Variants in PSD3 observed in about 807,000 individuals in gnomAD.
PSD3 encodes the protein PH and SEC7 domain-containing protein 3.
PSD3 carries 49 observed loss-of-function variants against 105.5 expected under a neutral mutation model. The observed-to-expected ratio is 0.46, with a 90% CI of 0.37 to 0.59. PSD3 has a LOEUF of 0.59. Ranked by LOEUF, PSD3 falls within the 20% of genes least tolerant of loss-of-function variation. The pLI, the probability that PSD3 is intolerant of heterozygous loss-of-function variation, is 0.00. For missense variants in PSD3, 1,561 were observed against 1,263.8 expected, an observed-to-expected ratio of 1.24 and a Z score of -3.57; for synonymous variants, 557 against 457.8, an observed-to-expected ratio of 1.22 and a Z score of -2.77.
At chr8:18,913,305 T>C (rs1255944009) in intron 2 of PSD3, among the ~76,000 whole-genome samples, 1 of 152,196 alleles carries the variant, frequency 6.6e-6, no homozygotes, top group African/African-American at 2.4e-5. Flanking sequence ...GGTTGATTCT[T>C]CTAAATTTAT....
At chr8:18,982,961 T>C (rs1221916634) in intron 1 of PSD3, among the ~76,000 whole-genome samples, 2 of 152,230 alleles carry the variant, frequency 1.3e-5, no homozygotes, top group African/African-American at 4.8e-5. Context: ...TTGACTTCTC[T>C]GTAGCTATGT....
At chr8:18,901,458 T>A (rs1223960581) in intron 2 of PSD3, among the ~76,000 whole-genome samples, 1 of 152,198 alleles carries the variant, frequency 6.6e-6, no homozygotes, top group African/African-American at 2.4e-5. Context: ...CACACTCTTG[T>A]TATTTTGTTA....
chr8:18,905,321 T>C (rs1277367269), intron 2 of PSD3, among the ~76,000 whole-genome samples: 1 of 152,156 alleles, frequency 6.6e-6, no homozygotes, highest in African/African-American at 2.4e-5. Flanking sequence ...TGACTTCTCC[T>C]CTCCTTTTCT....
chr8:18,950,410 A>G (rs1008876264), intron 1 of PSD3, among the ~76,000 whole-genome samples: 3 of 152,178 alleles, frequency 2.0e-5, no homozygotes, highest in Non-Finnish European at 1.5e-5. Context: ...ATAATACACC[A>G]TTATTAAAAT....
chr8:18,873,463 T>TTA (rs10647609), intron 2 of PSD3, among the ~76,000 whole-genome samples: 24,001 of 151,526 alleles, frequency 0.16, 2,214 homozygotes, highest in East Asian at 0.3. Flanking sequence ...TATATAAAGT[T>TTA]TATATATATA....
intron 1 of PSD3, among the ~76,000 whole-genome samples, chr8:19,075,268 G>C (rs1829428739): frequency 6.6e-6 from 1 of 152,082 alleles, no homozygotes; most frequent in Non-Finnish European, 1.5e-5. Context: ...AATTTTTAAA[G>C]TAGATTTATT....
intron 1 of PSD3, among the ~76,000 whole-genome samples, chr8:19,030,250 C>G (rs1827718200): frequency 6.6e-6 from 1 of 152,114 alleles, no homozygotes; most frequent in Non-Finnish European, 1.5e-5. Context: ...CTTTTTTATG[C>G]TGTAATTTTG....
chr8:18,576,486 C>T (rs1377380717), intron 12 of PSD3, among the ~76,000 whole-genome samples: 1 of 152,000 alleles, frequency 6.6e-6, no homozygotes, highest in Non-Finnish European at 1.5e-5. Context: ...TTACTAATTC[C>T]CACTAATTCA....
chr8:18,841,837 A>G (rs1814651436), intron 4 of PSD3, among the ~76,000 whole-genome samples: 1 of 152,226 alleles, frequency 6.6e-6, no homozygotes, highest in South Asian at 2.1e-4. Context: ...AAATGAATCT[A>G]AACACATTAG....
intron 14 of PSD3, among the ~76,000 whole-genome samples, chr8:18,567,315 T>C (rs1232801532): frequency 6.6e-6 from 1 of 152,124 alleles, no homozygotes; most frequent in Non-Finnish European, 1.5e-5. Flanking sequence ...TCCCCTTATA[T>C]CGTGTAATGT....
In PSD3 at chr8:18,828,062, T is replaced by TA. The variant is rs1563319680; in HGVS notation, c.1635-23165dup. ...ATATATATATGTATATATATATATA[T>TA]ATATATTTTTTTTTTTTTACAAAAA... On this transcript the variant is annotated intron_variant, in intron 4 of 15. Coordinates refer to ENST00000327040, the MANE Select transcript of PSD3 (RefSeq NM_015310.4). Among the ~76,000 whole-genome samples the TA allele has an allele frequency of 2.4e-3, 266 of 112,400 alleles. 1 individual carries two copies. Among genetic ancestry groups the TA allele is most frequent in the African/African-American group, 9.0e-3 (241 of 26,892 alleles). The allele number at this position is 112,400 out of a possible 152,430, so 73.7% of individuals were successfully genotyped here.
intron 2 of PSD3, among the ~76,000 whole-genome samples, chr8:18,922,834 C>T (rs1037262105): frequency 1.3e-5 from 2 of 152,094 alleles, no homozygotes; most frequent in African/African-American, 2.4e-5. Context: ...ACAAAGGATA[C>T]AGATAAAGGG....
At chr8:18,955,755 A>AC (rs1400611481) in intron 1 of PSD3, among the ~76,000 whole-genome samples, 6 of 74,042 alleles carry the variant, frequency 8.1e-5, no homozygotes, top group African/African-American at 2.3e-4. Flanking sequence ...TTCTTAGCAT[A>AC]TTTTATTTAT....
intron 1 of PSD3, among the ~76,000 whole-genome samples, chr8:19,077,981 A>G (rs891204963): frequency 1.3e-5 from 2 of 148,708 alleles, no homozygotes; most frequent in Non-Finnish European, 3.0e-5. Flanking sequence ...GCTTTCACTA[A>G]GTCTTTGTAA....
chr8:18,551,355 T>C (rs562702600), intron 15 of PSD3, among the ~76,000 whole-genome samples: 5 of 152,368 alleles, frequency 3.3e-5, no homozygotes, highest in African/African-American at 1.2e-4. Flanking sequence ...ATTTATATTA[T>C]CTGTGCTTCC....
At chr8:19,004,430 C>G (rs992899712) in intron 1 of PSD3, among the ~76,000 whole-genome samples, 2 of 152,064 alleles carry the variant, frequency 1.3e-5, no homozygotes, top group African/African-American at 4.8e-5. Context: ...GCTAAGCCCT[C>G]TGGTGCTCTG....
At chr8:18,848,877 G>T (rs1815339831) in intron 4 of PSD3, among the ~76,000 whole-genome samples, 1 of 152,144 alleles carries the variant, frequency 6.6e-6, no homozygotes, top group African/African-American at 2.4e-5. Context: ...ATTTCAAGCG[G>T]ATACTTCTTG....
chr8:18,895,613 T>C (rs1187587681), intron 2 of PSD3, among the ~76,000 whole-genome samples: 2 of 152,246 alleles, frequency 1.3e-5, no homozygotes, highest in Non-Finnish European at 2.9e-5. Flanking sequence ...TTTCCTTTTT[T>C]AATTTCTGAC....
chr8:18,950,184 G>C (rs1322308957), intron 1 of PSD3, among the ~76,000 whole-genome samples: 1 of 152,130 alleles, frequency 6.6e-6, no homozygotes, highest in African/African-American at 2.4e-5. Context: ...CTATTTATTT[G>C]TAATGAATAT....
Sources: gnomAD v4.1 joint callset for allele counts (sites outside exome capture counted in the v4.1 genomes callset) on GRCh38, gnomAD v4.1.1 for gene constraint, MANE v1.5 for transcripts, NCBI Gene and HGNC (gene_info 2026-07-23, HGNC 2026-07-21) for gene names.